The following AFG1L variants were observed in gnomAD, a reference collection of about 807,000 sequenced individuals.
AFG1L encodes AFG1-like ATPase.
A neutral mutation model predicts 62.2 loss-of-function variants in AFG1L; 53 were observed. That is an observed-to-expected ratio of 0.85 (90% CI 0.68 to 1.07). The LOEUF is 1.07. Among genes scored for constraint, AFG1L ranks in the 50% least tolerant of loss-of-function variants. The probability of loss-of-function intolerance (pLI) is 0.00; values close to 1 mark genes in which losing one functional copy is unlikely to be tolerated. For synonymous variants in AFG1L, 228 were observed against 210.3 expected (o/e 1.08, Z -0.73); for missense variants, 555 against 590.5 (o/e 0.94, Z 0.62).
At chr6:108,435,947 G>C (rs988986867) in intron 7 of AFG1L, among the ~76,000 whole-genome samples, 5 of 152,142 alleles carry the variant, frequency 3.3e-5, no homozygotes, top group African/African-American at 4.8e-5. Context: ...TATGTACTGT[G>C]TGCTAGATAG....
intron 6 of AFG1L, among the ~76,000 whole-genome samples, chr6:108,382,657 T>C (rs576712579): frequency 4.5e-4 from 69 of 152,218 alleles, no homozygotes; most frequent in Non-Finnish European, 7.8e-4. Flanking sequence ...GTATGTATCT[T>C]AGTTAAAAAG....
chr6:108,420,429 T>C (rs1335860198), intron 7 of AFG1L, among the ~76,000 whole-genome samples: 1 of 148,144 alleles, frequency 6.8e-6, no homozygotes, highest in African/African-American at 2.4e-5. Context: ...TAAAAATATA[T>C]TTAATATTAA....
chr6:108,485,656 ATTTTTTTTTTTT>A lies in AFG1L; in HGVS notation c.1062+8383_1062+8394del, dbSNP rs397842829. 1.6e-4 allele frequency among the ~76,000 whole-genome samples: 4 copies of A among 25,032 alleles called. No homozygotes were observed. In the East Asian group the frequency reaches 4.6e-3, roughly 29 times the overall value. 16.4% of individuals were successfully genotyped at this position (25,032 alleles called of 152,430 possible). On this transcript the variant is annotated intron_variant, in intron 10 of 12. Coordinates refer to ENST00000368977, the MANE Select transcript of AFG1L (RefSeq NM_145315.5). ...TATATATATATATATATATATATAT[ATTTTTTTTTTTT>A]TTTTTTTTTTTTTTTTTTGAGAGAG... is the stretch of plus-strand genomic sequence containing the variant.
chr6:108,404,317 A>T (rs1042760213), intron 7 of AFG1L, among the ~76,000 whole-genome samples: 7 of 152,218 alleles, frequency 4.6e-5, no homozygotes, highest in Non-Finnish European at 8.8e-5. Context: ...AATTCATTTT[A>T]AAAAATGTTC....
intron 1 of AFG1L, among the ~76,000 whole-genome samples, chr6:108,316,858 T>C (rs1777625827): frequency 6.6e-6 from 1 of 152,152 alleles, no homozygotes. Context: ...CAGATATATA[T>C]GTTCTAGAAA....
chr6:108,379,835 G>A (rs576562610), intron 6 of AFG1L, among the ~76,000 whole-genome samples: 2 of 152,222 alleles, frequency 1.3e-5, no homozygotes, highest in Non-Finnish European at 2.9e-5. Context: ...CCCAGGAAGC[G>A]TGGGGCAGCT....
chr6:108,424,673 G>C (rs1453691017), intron 7 of AFG1L, among the ~76,000 whole-genome samples: 4 of 152,198 alleles, frequency 2.6e-5, no homozygotes, highest in Non-Finnish European at 5.9e-5. Flanking sequence ...GTGGTTAGCT[G>C]TGTGGTGGGA....
intron 5 of AFG1L, among the ~76,000 whole-genome samples, chr6:108,362,210 G>A (rs368888172): frequency 6.6e-6 from 1 of 151,932 alleles, no homozygotes; most frequent in South Asian, 2.1e-4. Flanking sequence ...GAACATTTTT[G>A]TCTAATTGAA....
At chr6:108,379,002 T>TC (rs1562120023) in intron 6 of AFG1L, among the ~76,000 whole-genome samples, 3 of 129,530 alleles carry the variant, frequency 2.3e-5, no homozygotes, top group Middle Eastern at 3.6e-3. Flanking sequence ...TCCTTCTTCT[T>TC]TTTTTTTTTT....
intron 6 of AFG1L, among the ~76,000 whole-genome samples, chr6:108,384,032 C>G (rs1316537869): frequency 1.4e-5 from 2 of 144,138 alleles, no homozygotes; most frequent in Admixed American, 1.4e-4. Flanking sequence ...GCAAAATACT[C>G]TACACAACTA....
intron 5 of AFG1L, among the ~76,000 whole-genome samples, chr6:108,360,295 T>C (rs1438269925): frequency 1.3e-5 from 2 of 152,190 alleles, no homozygotes; most frequent in Non-Finnish European, 2.9e-5. Context: ...TCTTCATAGA[T>C]TAAGGAACCG....
chr6:108,405,317 A>G (rs139205387), intron 7 of AFG1L, among the ~76,000 whole-genome samples: 1 of 152,244 alleles, frequency 6.6e-6, no homozygotes, highest in East Asian at 1.9e-4. Context: ...CAAATTTTTT[A>G]TTGTGGCAAA....
chr6:108,430,655 C>T (rs1173886380), intron 7 of AFG1L, among the ~76,000 whole-genome samples: 1 of 152,174 alleles, frequency 6.6e-6, no homozygotes, highest in Non-Finnish European at 1.5e-5. Flanking sequence ...AGAATCTTAT[C>T]TTTAAAGCTA....
At chr6:108,410,159 T>C (rs1782034108) in intron 7 of AFG1L, among the ~76,000 whole-genome samples, 1 of 151,890 alleles carries the variant, frequency 6.6e-6, no homozygotes, top group African/African-American at 2.4e-5. Context: ...TACAAAAAAA[T>C]TAGCCAGCCA....
At chr6:108,458,225 A>G (rs1251565297) in intron 8 of AFG1L, among the ~76,000 whole-genome samples, 1 of 151,634 alleles carries the variant, frequency 6.6e-6, no homozygotes, top group Non-Finnish European at 1.5e-5. Context: ...TTTCTTTACA[A>G]TTTCTCCCCA....
chr6:108,348,268 C>T (rs947317017), intron 3 of AFG1L, among the ~76,000 whole-genome samples: 2 of 152,088 alleles, frequency 1.3e-5, no homozygotes, highest in African/African-American at 2.4e-5. Context: ...TTAGTAGAGA[C>T]GGGGTTTCAC....
chr6:108,472,963 G>A lies in AFG1L; in HGVS notation c.891-3902G>A, dbSNP rs551833468. On this transcript the variant is annotated intron_variant, in intron 8 of 12. Transcript: ENST00000368977. ...GATCACAGGCACGCACCACCATGCC[G>A]GCTAATTTTTGTATTTTTTGTAGAG... 4.0e-5 allele frequency among the ~76,000 whole-genome samples: 6 copies of A among 151,788 alleles called. No individual in the cohort carries two copies. In the East Asian group the frequency reaches 7.7e-4, roughly 20 times the overall value.
intron 10 of AFG1L, among the ~76,000 whole-genome samples, chr6:108,487,828 G>A (rs557147866): frequency 1.3e-5 from 2 of 152,282 alleles, no homozygotes; most frequent in African/African-American, 4.8e-5. Context: ...AGTGCATGTT[G>A]GGGAGGAAAA....
chr6:108,522,612 C>T lies in AFG1L; in HGVS notation c.*187C>T, dbSNP rs1775167956. On this transcript the variant is annotated 3_prime_UTR_variant, in exon 13 of 13. Coordinates refer to ENST00000368977, the MANE Select transcript of AFG1L (RefSeq NM_145315.5). ...GTTAAACACTTAACATTTTTTAGGT[C>T]TGCTTTTTCTTATTTGGCCTTATTT... The T allele has an allele frequency of 2.1e-6, 1 of 473,940 alleles. No homozygotes were observed. The highest frequency in any genetic ancestry group is 2.0e-5 in the African/African-American group (1 of 50,586). The allele number at this position is 473,940 out of a possible 1,614,324, so 29.4% of individuals were successfully genotyped here.
Sources: gnomAD v4.1 joint callset for allele counts (sites outside exome capture counted in the v4.1 genomes callset) on GRCh38, gnomAD v4.1.1 for gene constraint, MANE v1.5 for transcripts, NCBI Gene and HGNC (gene_info 2026-07-23, HGNC 2026-07-21) for gene names.